Variants in SLC4A4 observed in about 807,000 individuals in gnomAD.
The protein encoded by SLC4A4 is solute carrier family 4 member 4.
SLC4A4 carries 27 observed loss-of-function variants against 111.5 expected under a neutral mutation model. The ratio of observed to expected loss-of-function variants is 0.24; its 90% CI spans 0.18 to 0.33. The LOEUF is 0.33. Ranked by LOEUF, SLC4A4 falls within the 10% of genes least tolerant of loss-of-function variation. SLC4A4 has a pLI of 1.00. For synonymous variants in SLC4A4, 443 were observed against 463.4 expected, an observed-to-expected ratio of 0.96 and a Z score of 0.57; for missense variants, 909 against 1,315.5, an observed-to-expected ratio of 0.69 and a Z score of 4.78.
At position 71,552,378 on chromosome 4, in the gene SLC4A4, TAC is replaced by T. The variant is rs146929104; in HGVS notation, c.2695-2750_2695-2749del. 5.4e-4 allele frequency among the ~76,000 whole-genome samples: 82 copies of T among 150,796 alleles called. 1 individual carries two copies. Among genetic ancestry groups the T allele is most frequent in the East Asian group, 1.2e-3 (6 of 5,098 alleles). ...ACACACACACACATACACACACACA[TAC>T]ACACACACACATACAGTGACGATTA... On this transcript the variant is annotated intron_variant, in intron 20 of 25. Transcript: ENST00000264485.
intron 2 of SLC4A4, among the ~76,000 whole-genome samples, chr4:71,107,940 C>G (rs994328156): frequency 2.6e-5 from 4 of 152,076 alleles, no homozygotes; most frequent in African/African-American, 9.7e-5. Flanking sequence ...TTTGCATATA[C>G]TATATAGCTA....
At chr4:71,491,875 T>G (rs1729954847) in intron 15 of SLC4A4, among the ~76,000 whole-genome samples, 1 of 151,798 alleles carries the variant, frequency 6.6e-6, no homozygotes, top group South Asian at 2.1e-4. Flanking sequence ...ACATTCATTT[T>G]GCTTAAAGTT....
At position 71,128,786 on chromosome 4, in the gene SLC4A4, G is replaced by A. The variant is rs561689973; in HGVS notation, c.-2+35994G>A. On this transcript the variant is annotated intron_variant, in intron 2 of 26. Transcript: ENST00000649996. ...TTACAGGCATGAGCCACCACACTCAGCCAAAGACATTCAAAATTTGACCCA... is the reference window on the plus strand; with the variant it reads ...TTACAGGCATGAGCCACCACACTCAACCAAAGACATTCAAAATTTGACCCA... Among the ~76,000 whole-genome samples, 5 of 152,298 alleles carry A rather than the reference G, an allele frequency of 3.3e-5. No homozygotes were observed. The South Asian group carries it at 8.3e-4, about 25-fold the overall frequency.
At chr4:71,417,786 G>A (rs955748449) in intron 7 of SLC4A4, among the ~76,000 whole-genome samples, 4 of 152,096 alleles carry the variant, frequency 2.6e-5, no homozygotes, top group African/African-American at 7.2e-5. Flanking sequence ...AAAGGCTCTG[G>A]TATTTCAGGA....
At chr4:71,281,815 T>C (rs1384879785) in intron 3 of SLC4A4, among the ~76,000 whole-genome samples, 5 of 152,202 alleles carry the variant, frequency 3.3e-5, no homozygotes, top group Non-Finnish European at 7.3e-5. Context: ...CCACACTAAA[T>C]ATAGTGATAC....
At position 71,452,499 on chromosome 4, in the gene SLC4A4, G is replaced by A. The variant is rs139045073; in HGVS notation, c.1323-996G>A. ...AAACTGAAGCAGGGCACTGAGTGCG[G>A]CTAAGGTCCAGTGGTTGTGCAGACA... On this transcript the variant is annotated intron_variant, in intron 11 of 25. Coordinates refer to ENST00000264485, the MANE Select transcript of SLC4A4 (RefSeq NM_001098484.3). Among the ~76,000 whole-genome samples the A allele has an allele frequency of 5.7e-4, 87 of 152,298 alleles. 1 individual carries two copies. In the East Asian group the frequency reaches 0.011, roughly 20 times the overall value.
intron 1 of SLC4A4, among the ~76,000 whole-genome samples, chr4:71,194,978 T>G (rs1197220438): frequency 6.6e-6 from 1 of 152,204 alleles, no homozygotes; most frequent in Non-Finnish European, 1.5e-5. Context: ...GGTCTGATTT[T>G]CAGCTTTGGC....
chr4:71,558,042 T>G (rs979919697), intron 22 of SLC4A4, among the ~76,000 whole-genome samples, 157 bp downstream of exon 22: 1 of 151,978 alleles, frequency 6.6e-6, no homozygotes, highest in Non-Finnish European at 1.5e-5. Flanking sequence ...TTCCCATGTT[T>G]ATGGTTGTCT....
At position 71,345,598 on chromosome 4, in the gene SLC4A4, T is replaced by A. The variant is rs368983176; in HGVS notation, c.390-4314T>A. 5.7e-4 allele frequency among the ~76,000 whole-genome samples: 87 copies of A among 152,156 alleles called. 1 individual carries two copies. The South Asian group carries it at 6.8e-3, about 12-fold the overall frequency. On this transcript the variant is annotated intron_variant, in intron 4 of 25. Transcript: ENST00000264485. Reference sequence around the variant, plus strand: ...CACCACAAATGTACACCCACTTGTGTTTCTGCTTGGCAGATTTACTTCAGG... The same window carrying A: ...CACCACAAATGTACACCCACTTGTGATTCTGCTTGGCAGATTTACTTCAGG...
Position 71,440,516 on chromosome 4 carries a change from T to C in SLC4A4, c.808-100T>C, listed in dbSNP as rs992584009. The stretch of plus-strand genomic sequence containing the variant: ...GTAAAAAGGAATTTCCTGTGAGTGA[T>C]ACATGGGAAGGCCCTTTTTGTTCCC... On this transcript the variant is annotated intron_variant, in intron 7 of 25. Transcript: ENST00000264485. 123 of 1,307,634 alleles carry C rather than the reference T, an allele frequency of 9.4e-5. 2 individuals carry two copies. The Admixed American group carries it at 2.0e-3, about 22-fold the overall frequency. 81.0% of individuals were successfully genotyped at this position (1,307,634 alleles called of 1,614,324 possible).
intron 7 of SLC4A4, among the ~76,000 whole-genome samples, chr4:71,404,798 C>CT (rs1039161179): frequency 5.3e-5 from 8 of 150,794 alleles, no homozygotes; most frequent in African/African-American, 1.5e-4. Flanking sequence ...GGGAATCATT[C>CT]TTTTTTTTTC....
At position 71,385,195 on chromosome 4, in the gene SLC4A4, T is replaced by TA. The variant is rs1718587255; in HGVS notation, c.731-12382_731-12381insA. 6.9e-4 allele frequency among the ~76,000 whole-genome samples: 24 copies of TA among 34,838 alleles called. No individual in the cohort carries two copies. The South Asian group carries it at 0.023, about 33-fold the overall frequency. The allele number at this position is 34,838 out of a possible 152,430, so 22.9% of individuals were successfully genotyped here. ...TTTATATATATATATATATATATTT[T>TA]TTTTTTTTTTTTTTTTTTTTGAGAC... is the stretch of plus-strand genomic sequence containing the variant. On this transcript the variant is annotated intron_variant, in intron 6 of 25. Transcript: ENST00000264485.
chr4:71,245,644 C>T lies in SLC4A4; in HGVS notation c.73+8995C>T, dbSNP rs555067327. Among the ~76,000 whole-genome samples the T allele has an allele frequency of 7.9e-5, 12 of 151,890 alleles. 1 individual carries two copies. The highest frequency in any genetic ancestry group is 3.9e-4 in the Admixed American group (6 of 15,216). On this transcript the variant is annotated intron_variant, in intron 2 of 25. Coordinates refer to ENST00000264485, the MANE Select transcript of SLC4A4 (RefSeq NM_001098484.3). Reference sequence around the variant, plus strand: ...TGAATTTGAAGCACCTGTGAGATACCGCAGTAGAACTCTGAAGCCGGTAGT... The same window carrying T: ...TGAATTTGAAGCACCTGTGAGATACTGCAGTAGAACTCTGAAGCCGGTAGT...
intron 7 of SLC4A4, among the ~76,000 whole-genome samples, chr4:71,438,090 T>C (rs1302615249): frequency 2.6e-5 from 4 of 152,186 alleles, no homozygotes; most frequent in Non-Finnish European, 5.9e-5. Flanking sequence ...GGCCCCTTAA[T>C]ATGTTATTTT....
At chr4:71,477,688 A>G (rs1577998259) in intron 14 of SLC4A4, among the ~76,000 whole-genome samples, 2 of 151,836 alleles carry the variant, frequency 1.3e-5, no homozygotes, top group South Asian at 2.1e-4. Flanking sequence ...TTTATTCAAA[A>G]GCATAAATAC....
chr4:71,301,673 A>T (rs1255101515), intron 3 of SLC4A4, among the ~76,000 whole-genome samples: 1 of 152,256 alleles, frequency 6.6e-6, no homozygotes, highest in Admixed American at 6.5e-5. Context: ...TGTTGGGCAC[A>T]GCATAGCCTG....
chr4:71,506,770 G>T (rs762174685), intron 16 of SLC4A4, among the ~76,000 whole-genome samples: 4 of 151,988 alleles, frequency 2.6e-5, no homozygotes, highest in African/African-American at 9.7e-5. Context: ...TCACAAGAAG[G>T]TCGTCCTCAA....
chr4:71,357,314 C>A, intron 6 of SLC4A4, 127 bp downstream of exon 6: 1 of 895,974 alleles, frequency 1.1e-6, no homozygotes, highest in Non-Finnish European at 1.8e-6. Context: ...ATGCCATAGT[C>A]ATTTCATATT....
At chr4:71,346,654 G>T (rs1275515437) in intron 4 of SLC4A4, among the ~76,000 whole-genome samples, 1 of 151,954 alleles carries the variant, frequency 6.6e-6, no homozygotes, top group Non-Finnish European at 1.5e-5. Flanking sequence ...GAACTGAGTA[G>T]TTTTCAGTTT....
Sources: gnomAD v4.1 joint callset for allele counts (sites outside exome capture counted in the v4.1 genomes callset) on GRCh38, gnomAD v4.1.1 for gene constraint, MANE v1.5 for transcripts, NCBI Gene and HGNC (gene_info 2026-07-23, HGNC 2026-07-21) for gene names.